The following RETREG3 variants were observed in gnomAD, a reference collection of about 807,000 sequenced individuals.
The protein encoded by RETREG3 is reticulophagy regulator family member 3.
RETREG3 carries 23 observed loss-of-function variants against 50.2 expected under a neutral mutation model. That is an observed-to-expected ratio of 0.46 (90% confidence interval 0.33 to 0.65). The LOEUF (loss-of-function observed/expected upper bound fraction) is 0.65. RETREG3 is among the 30% of genes least tolerant of loss of function. RETREG3 has a pLI of 0.02. For synonymous variants in RETREG3, 240 were observed against 234.4 expected (o/e 1.02, Z -0.22); for missense variants, 546 against 598.0 (o/e 0.91, Z 0.91).
intron 1 of RETREG3, among the ~76,000 whole-genome samples, chr17:42,608,286 C>T (rs2037068131): frequency 6.6e-6 from 1 of 152,178 alleles, no homozygotes; most frequent in Non-Finnish European, 1.5e-5. Flanking sequence ...GTGATGACAA[C>T]TGAGAGAAGC....
intron 4 of RETREG3, 133 bp downstream of exon 4, chr17:42,586,632 G>C (rs2093121846): frequency 1.5e-6 from 2 of 1,308,922 alleles, no homozygotes; most frequent in Admixed American, 4.9e-5. Flanking sequence ...CTTTCCTATA[G>C]CTTCCTTTTG....
rs551348476 is a variant in RETREG3 at position 42,583,541 on chromosome 17, T to C, written c.767A>G (p.Asn256Ser). The change falls in exon 7 of 9, where the codon AAC (asparagine) becomes AGC (serine). Residue 256 changes from asparagine to serine, a missense_variant. By Grantham distance (46) the Asn-to-Ser change is conservative. Coordinates refer to ENST00000309428, the MANE Select transcript of RETREG3 (RefSeq NM_178126.4). ...AAGCTCCTCTTCGCTGTCACTGTGGTTGTCCATGGCTCGTTCTGGGTGGAG... is the reference window on the plus strand; with the variant it reads ...AAGCTCCTCTTCGCTGTCACTGTGGCTGTCCATGGCTCGTTCTGGGTGGAG... Reference protein sequence around the residue: ...RALHPERAMDNHSDSEEELAA... With the variant: ...RALHPERAMDSHSDSEEELAA... 55 of 1,613,888 alleles carry C rather than the reference T, an allele frequency of 3.4e-5. No individual in the cohort carries two copies. In the South Asian group the frequency reaches 5.6e-4, roughly 16 times the overall value.
chr17:42,591,327 ATGTCATGG>A (rs2093132701), intron 2 of RETREG3, among the ~76,000 whole-genome samples: 1 of 148,968 alleles, frequency 6.7e-6, no homozygotes, highest in Non-Finnish European at 1.5e-5. Flanking sequence ...AAGACACCAC[ATGTCATGG>A]TACTTTCTTT....
At chr17:42,593,903 A>G (rs1038723152) in intron 1 of RETREG3, among the ~76,000 whole-genome samples, 2 of 151,920 alleles carry the variant, frequency 1.3e-5, no homozygotes, top group Non-Finnish European at 2.9e-5. Context: ...TGAACTATAG[A>G]GCCCTGGCCA....
chr17:42,592,121 G>C lies in RETREG3; in HGVS notation c.281C>G (p.Ala94Gly), dbSNP rs764641798. 13 of 1,613,774 alleles carry C rather than the reference G, an allele frequency of 8.1e-6. No homozygotes were observed. The highest frequency in any genetic ancestry group is 1.1e-5 in the South Asian group (1 of 91,022). The change falls in exon 2 of 9, where the codon GCA (alanine) becomes GGA (glycine). Residue 94 changes from alanine (A) to glycine (G), a missense_variant. Ala to Gly is a moderately conservative substitution (Grantham distance 60). Transcript: ENST00000309428. The stretch of plus-strand genomic sequence containing the variant: ...ACACACAATGATCATCAAGCCAAAT[G>C]CAAGTAAAAACACAAGACGAAGAGA... The part of the protein sequence containing the change: ...LTSLRLVFLL[A>G]FGLMIIVCID...
At chr17:42,596,014 T>C (rs2093143614) in intron 1 of RETREG3, among the ~76,000 whole-genome samples, 1 of 152,018 alleles carries the variant, frequency 6.6e-6, no homozygotes. Flanking sequence ...TTTCCAGAGT[T>C]GACTATATTT....
intron 6 of RETREG3, 83 bp from the exon 7 acceptor site, chr17:42,583,663 C>T: frequency 7.5e-7 from 1 of 1,334,188 alleles, no homozygotes; most frequent in South Asian, 1.3e-5. Flanking sequence ...AAAATCAGAA[C>T]ACAAAACAAA....
At chr17:42,606,170 C>T (rs1017421290) in intron 1 of RETREG3, among the ~76,000 whole-genome samples, 21 of 151,960 alleles carry the variant, frequency 1.4e-4, no homozygotes, top group African/African-American at 5.1e-4. Context: ...ACCCAGAGTA[C>T]AAAAGGGGTT....
chr17:42,600,066 TA>T (rs540504726), intron 1 of RETREG3, among the ~76,000 whole-genome samples: 3 of 147,286 alleles, frequency 2.0e-5, no homozygotes, highest in South Asian at 2.2e-4. Context: ...AAAAAGAGTT[TA>T]AAAAAAAAAC....
Position 42,586,855 on chromosome 17 carries a change from G to T in RETREG3, c.414C>A (p.Pro138=). 2 of 1,614,052 alleles carry T rather than the reference G, an allele frequency of 1.2e-6. No individual in the cohort carries two copies. The highest frequency in any genetic ancestry group is 1.7e-6 in the Non-Finnish European group (2 of 1,179,982). Residue 138 remains proline, a synonymous_variant, in exon 4 of 9, where the codon CCC becomes CCA. Transcript: ENST00000309428. ...CTTCAGCTACATGGTGGCAGAGCTC[G>T]GGCACGCTGAGCAACCGAGGGTGCA... is the stretch of plus-strand genomic sequence containing the variant. The part of the protein sequence containing the change: ...GFVHPRLLSV[P]ELCHHVAEVW...
intron 2 of RETREG3, among the ~76,000 whole-genome samples, chr17:42,591,607 A>G (rs1193671769): frequency 6.6e-6 from 1 of 152,096 alleles, no homozygotes; most frequent in Non-Finnish European, 1.5e-5. Flanking sequence ...CCCAAAGTGC[A>G]GGGGTTACTA....
At chr17:42,588,411 A>G (rs1429445760) in intron 2 of RETREG3, among the ~76,000 whole-genome samples, 1 of 150,432 alleles carries the variant, frequency 6.6e-6, no homozygotes, top group Non-Finnish European at 1.5e-5. Flanking sequence ...ATGCCCGGCT[A>G]ATTTTTTTTT....
intron 2 of RETREG3, 45 bp downstream of exon 2, chr17:42,592,009 GAA>G: frequency 6.7e-7 from 1 of 1,493,742 alleles, no homozygotes. Context: ...CAAATTATAG[GAA>G]AGGCCATCTT....
At chr17:42,599,952 C>T (rs1216329133) in intron 1 of RETREG3, among the ~76,000 whole-genome samples, 1 of 152,020 alleles carries the variant, frequency 6.6e-6, no homozygotes, top group East Asian at 1.9e-4. Context: ...CGTTATCGTG[C>T]CACTGTACCC....
At chr17:42,592,755 C>T (rs929437999) in intron 1 of RETREG3, among the ~76,000 whole-genome samples, 2 of 152,024 alleles carry the variant, frequency 1.3e-5, no homozygotes, top group Non-Finnish European at 2.9e-5. Context: ...AGTTTGAGGC[C>T]AGCCTGGCCA....
chr17:42,603,517 C>T (rs961437691), intron 1 of RETREG3, among the ~76,000 whole-genome samples: 2 of 152,084 alleles, frequency 1.3e-5, no homozygotes, highest in African/African-American at 2.4e-5. Context: ...TAGCTGCTAA[C>T]AGTGGAGAGA....
intron 1 of RETREG3, among the ~76,000 whole-genome samples, chr17:42,593,560 A>C (rs979999227): frequency 4.0e-5 from 6 of 150,694 alleles, no homozygotes; most frequent in African/African-American, 7.3e-5. Context: ...TGAGACGAGA[A>C]TGGCGTGAAC....
intron 6 of RETREG3, among the ~76,000 whole-genome samples, chr17:42,583,967 C>T (rs1343931104): frequency 2.6e-5 from 4 of 152,160 alleles, no homozygotes; most frequent in Non-Finnish European, 4.4e-5. Flanking sequence ...ACCATCACAC[C>T]TGGCTAATAT....
At chr17:42,609,049 G>A in intron 1 of RETREG3, 37 bp downstream of exon 1, 1 of 1,583,154 alleles carries the variant, frequency 6.3e-7, no homozygotes, top group South Asian at 1.1e-5. Context: ...CAACGAATTC[G>A]GGACTCGGAG....
Sources: allele counts gnomAD v4.1 joint callset (sites outside exome capture counted in the v4.1 genomes callset), GRCh38; gene constraint gnomAD v4.1.1; transcripts MANE v1.5; gene names NCBI Gene and HGNC (gene_info 2026-07-23, HGNC 2026-07-21).